Variants in TCF20 observed in about 807,000 individuals in gnomAD.
The protein encoded by TCF20 is SPRE-binding protein.
A neutral mutation model predicts 148.6 loss-of-function variants in TCF20; 3 were observed. The ratio of observed to expected loss-of-function variants is 0.02; its 90% CI spans 0.01 to 0.05. The LOEUF (loss-of-function observed/expected upper bound fraction) is 0.05, where lower values mean the gene tolerates loss of function less well. Among genes scored for constraint, TCF20 ranks in the 10% least tolerant of loss-of-function variants. TCF20 has a pLI of 1.00. For synonymous variants in TCF20, 1,049 were observed against 909.5 expected, an observed-to-expected ratio of 1.15 and a Z score of -2.76; for missense variants, 2,350 against 2,429.3, an observed-to-expected ratio of 0.97 and a Z score of 0.69.
chr22:42,261,990 C>T (rs772174042), intron 1 of TCF20, among the ~76,000 whole-genome samples: 7 of 151,806 alleles, frequency 4.6e-5, no homozygotes, highest in African/African-American at 9.7e-5. Context: ...GACTCCATCT[C>T]GAAAAAAGTT....
rs1218061681 is a variant in TCF20, at chr22:42,299,708, C to A, written c.-37+43771G>T. On this transcript the variant is annotated intron_variant, in intron 1 of 1. Transcript: ENST00000515426. This position sits in a 1 kb window ranked among gnomAD's most constrained non-coding sequence, Gnocchi z 4.1. ...CTCCTAGGAGTGACCTGGCTGGGGT[C>A]TCTCTAGGTCAGGTAATTAATAGCA... 3.3e-5 allele frequency among the ~76,000 whole-genome samples: 5 copies of A among 152,076 alleles called. No homozygotes were observed. The highest frequency in any genetic ancestry group is 9.7e-5 in the African/African-American group (4 of 41,394).
chr22:42,293,776 C>T (rs761859439), intron 1 of TCF20, among the ~76,000 whole-genome samples: 2 of 152,208 alleles, frequency 1.3e-5, no homozygotes, highest in African/African-American at 2.4e-5. Flanking sequence ...CCAAGGCGGG[C>T]AGATCACGAG....
At chr22:42,232,402 CA>C (rs141568144) in intron 1 of TCF20, among the ~76,000 whole-genome samples, 17 of 145,186 alleles carry the variant, frequency 1.2e-4, no homozygotes, top group African/African-American at 3.0e-4. Context: ...TGTACCAAAA[CA>C]AAAAAAAAAC....
intron 1 of TCF20, among the ~76,000 whole-genome samples, chr22:42,311,093 GCA>G: frequency 6.6e-6 from 1 of 152,224 alleles, no homozygotes; most frequent in African/African-American, 2.4e-5. Flanking sequence ...GCACACGAGT[GCA>G]GGAATCGGGG....
At chr22:42,205,142 A>G in intron 2 of TCF20, among the ~76,000 whole-genome samples, 1 of 152,238 alleles carries the variant, frequency 6.6e-6, no homozygotes, top group East Asian at 1.9e-4. Flanking sequence ...ATTCAGAGGC[A>G]ATTACCTCTG....
chr22:42,170,941 G>A (rs1030927007), intron 3 of TCF20, among the ~76,000 whole-genome samples: 4 of 152,142 alleles, frequency 2.6e-5, no homozygotes, highest in East Asian at 1.9e-4. Context: ...TTTGCCCCAC[G>A]ACCCACGGAG....
chr22:42,247,542 T>C (rs1287969583), intron 1 of TCF20, among the ~76,000 whole-genome samples: 1 of 151,476 alleles, frequency 6.6e-6, no homozygotes, highest in Non-Finnish European at 1.5e-5. Context: ...CAGCAGAGGA[T>C]ACAACTGGGG....
intron 2 of TCF20, among the ~76,000 whole-genome samples, chr22:42,198,591 T>A (rs577009070): frequency 6.6e-6 from 1 of 152,322 alleles, no homozygotes; most frequent in South Asian, 2.1e-4. Context: ...AAAGTTGTTA[T>A]ACTTTCTCAT....
Position 42,212,046 on chromosome 22 carries a change from C to T in TCF20, c.3260G>A (p.Arg1087Lys). The stretch of plus-strand genomic sequence containing the variant: ...CTCTGGTTGCTGTTGGTACATCTGT[C>T]TCTTATAATGCAGCTGAGAATTCAA... ...AGLNSQLHYKRQMYQQQPEEY... is the reference protein window; with the variant it reads ...AGLNSQLHYKKQMYQQQPEEY... The change falls in exon 2 of 6, where the codon AGA (arginine) becomes AAA (lysine). Residue 1087 changes from arginine (R) to lysine (K), a missense_variant. Coordinates refer to ENST00000677622, the MANE Select transcript of TCF20 (RefSeq NM_001378418.1). 6.2e-7 allele frequency: 1 copy of T among 1,614,148 alleles called. No individual in the cohort carries two copies. The highest frequency in any genetic ancestry group is 8.5e-7 in the Non-Finnish European group (1 of 1,180,034).
chr22:42,331,855 G>A (rs189675850), intron 1 of TCF20, among the ~76,000 whole-genome samples: 3 of 152,360 alleles, frequency 2.0e-5, no homozygotes, highest in Admixed American at 6.5e-5. Flanking sequence ...TGACAACTGG[G>A]GAAAATGGGG....
At chr22:42,269,314 A>T (rs1198971192) in intron 1 of TCF20, among the ~76,000 whole-genome samples, 1 of 152,172 alleles carries the variant, frequency 6.6e-6, no homozygotes, top group Non-Finnish European at 1.5e-5. Context: ...AAAAGCAAAA[A>T]GGAAAAGGGG....
intron 1 of TCF20, among the ~76,000 whole-genome samples, chr22:42,295,262 T>G (rs1242336791): frequency 6.6e-6 from 1 of 152,042 alleles, no homozygotes; most frequent in East Asian, 1.9e-4. Context: ...TAAACTCCTC[T>G]TTTGCTGCAG....
chr22:42,227,157 C>T (rs539203866), intron 1 of TCF20, among the ~76,000 whole-genome samples: 11 of 152,234 alleles, frequency 7.2e-5, no homozygotes, highest in African/African-American at 2.6e-4. Flanking sequence ...GTGGCACATG[C>T]CCGTAATCCT....
upstream of TCF20, among the ~76,000 whole-genome samples, chr22:42,287,790 G>C (rs1243516824): frequency 1.3e-5 from 2 of 152,124 alleles, no homozygotes; most frequent in Non-Finnish European, 2.9e-5. Flanking sequence ...CATGGGAAAG[G>C]GGGAGTAAAG....
chr22:42,319,068 C>T (rs560054112), intron 1 of TCF20, among the ~76,000 whole-genome samples: 7 of 152,330 alleles, frequency 4.6e-5, no homozygotes, highest in African/African-American at 1.7e-4. Flanking sequence ...GACACAGCCC[C>T]ACATGCAGGG....
At position 42,168,802 on chromosome 22, in the gene TCF20, C is replaced by A. The variant is rs886495575; in HGVS notation, c.5800-66G>T. On this transcript the variant is annotated intron_variant, in intron 4 of 5. Transcript: ENST00000677622. ...AGGACAGTGCAGAAATCAGGGAGGG[C>A]AAAGGGAGGACAGGAGTGGCACATG... 6 of 1,504,298 alleles carry A rather than the reference C, an allele frequency of 4.0e-6. No individual in the cohort carries two copies. The African/African-American group carries it at 8.4e-5, about 21-fold the overall frequency. 93.2% of individuals were successfully genotyped at this position (1,504,298 alleles called of 1,614,324 possible). A position where few individuals can be genotyped will look rare whatever the true frequency, so the allele number is the denominator to read the frequency against.
Position 42,318,058 on chromosome 22 carries a change from G to A in TCF20, c.-37+25421C>T, listed in dbSNP as rs374635667. Reference sequence around the variant, plus strand: ...TTGACCCCACAAGCACCCCCGGCCCGCTTACCTGCCAGAGGCCCTGGCCAT... The same window carrying A: ...TTGACCCCACAAGCACCCCCGGCCCACTTACCTGCCAGAGGCCCTGGCCAT... On this transcript the variant is annotated intron_variant, in intron 1 of 1. Coordinates refer to the TCF20 transcript ENST00000515426. Among the ~76,000 whole-genome samples, 70 of 152,340 alleles carry A rather than the reference G, an allele frequency of 4.6e-4. No individual in the cohort carries two copies. In the East Asian group the frequency reaches 0.013, roughly 28 times the overall value.
At chr22:42,221,197 C>T (rs1411537728) in intron 1 of TCF20, among the ~76,000 whole-genome samples, 1 of 152,168 alleles carries the variant, frequency 6.6e-6, no homozygotes. Context: ...GAGGTAGATG[C>T]AGCACACGTG....
chr22:42,242,224 A>AAAAAAAAAAAAAAAAAAAAAC (rs1555942548), intron 1 of TCF20, among the ~76,000 whole-genome samples: 2 of 147,696 alleles, frequency 1.4e-5, no homozygotes, highest in African/African-American at 5.2e-5. Context: ...AAAAAAAAAA[A>AAAAAAAAAAAAAAAAAAAAAC]AAACAGAAAA....
Sources: allele counts gnomAD v4.1 joint callset (sites outside exome capture counted in the v4.1 genomes callset), GRCh38; gene constraint gnomAD v4.1.1; non-coding constraint Gnocchi (gnomAD v3.1); transcripts MANE v1.5; gene names NCBI Gene and HGNC (gene_info 2026-07-23, HGNC 2026-07-21).